The following DAPK1 variants were observed in gnomAD, a reference collection of about 807,000 sequenced individuals.
DAPK1 encodes death-associated protein kinase 1.
Under a neutral mutation model 144.9 loss-of-function variants are expected in DAPK1, and 56 were observed. That is an observed-to-expected ratio of 0.39 (90% CI 0.31 to 0.48). DAPK1 has a LOEUF of 0.48. Ranked by LOEUF, DAPK1 falls within the 20% of genes least tolerant of loss-of-function variation. The pLI is 0.95. For synonymous variants in DAPK1, 690 were observed against 749.0 expected (o/e 0.92, Z 1.29); for missense variants, 1,454 against 1,875.4 (o/e 0.78, Z 4.15).
intron 2 of DAPK1, among the ~76,000 whole-genome samples, chr9:87,502,094 T>G (rs1254665773): frequency 6.6e-6 from 1 of 152,150 alleles, no homozygotes; most frequent in African/African-American, 2.4e-5. Context: ...AGCTAATAAC[T>G]TGGCCGGCAA....
intron 19 of DAPK1, chr9:87,668,980 C>G: frequency 3.8e-6 from 1 of 261,402 alleles, no homozygotes; most frequent in Middle Eastern, 1.3e-3. Flanking sequence ...GACGCTGACT[C>G]TGCCTCTTTC....
intron 19 of DAPK1, among the ~76,000 whole-genome samples, chr9:87,678,094 A>T (rs543429132): frequency 6.6e-6 from 1 of 152,010 alleles, no homozygotes; most frequent in East Asian, 1.9e-4. Context: ...ACCTGTTGGG[A>T]TTTGAGGTCA....
At chr9:87,630,386 C>T (rs937306843) in intron 3 of DAPK1, among the ~76,000 whole-genome samples, 3 of 152,194 alleles carry the variant, frequency 2.0e-5, no homozygotes, top group African/African-American at 7.2e-5. Context: ...ATTTATCTCT[C>T]ACTCACTCAA....
Position 87,558,830 on chromosome 9 carries a change from A to G in DAPK1, c.63-46124A>G, listed in dbSNP as rs1033756794. On this transcript the variant is annotated intron_variant, in intron 2 of 25. Coordinates refer to ENST00000408954, the MANE Select transcript of DAPK1 (RefSeq NM_004938.4). Reference sequence around the variant, plus strand: ...CCCACGTGCAGAAAGCATGATTCCCATGCTCCATGTGGGCGGACTCCTGTT... The same window carrying G: ...CCCACGTGCAGAAAGCATGATTCCCGTGCTCCATGTGGGCGGACTCCTGTT... Among the ~76,000 whole-genome samples, 15 of 152,190 alleles carry G rather than the reference A, an allele frequency of 9.9e-5. No homozygotes were observed. The East Asian group carries it at 1.2e-3, about 12-fold the overall frequency.
At chr9:87,647,454 T>G (rs1268316106) in intron 14 of DAPK1, 51 bp downstream of exon 14, 1 of 1,440,324 alleles carries the variant, frequency 6.9e-7, no homozygotes, top group Admixed American at 1.7e-5. Flanking sequence ...AATGGATGCA[T>G]GTGAGTGTGA....
intron 2 of DAPK1, among the ~76,000 whole-genome samples, chr9:87,561,951 C>T (rs1315375833): frequency 6.6e-6 from 1 of 152,090 alleles, no homozygotes; most frequent in Non-Finnish European, 1.5e-5. Context: ...CTTTACTGGC[C>T]CCCTGAATGG....
intron 20 of DAPK1, 33 bp downstream of exon 20, chr9:87,681,659 G>T (rs762942736): frequency 7.3e-6 from 8 of 1,094,470 alleles, no homozygotes; most frequent in Non-Finnish European, 1.1e-5. Flanking sequence ...CGTCTCTCCA[G>T]CAGGTGTTGG....
At chr9:87,633,434 C>T (rs1829783459) in intron 3 of DAPK1, 1 of 962,436 alleles carries the variant, frequency 1.0e-6, no homozygotes, top group Non-Finnish European at 1.2e-6. Context: ...TAGGGACTCT[C>T]CTAACCTTTC....
chr9:87,624,905 T>C (rs946333451), intron 3 of DAPK1, among the ~76,000 whole-genome samples: 24 of 152,306 alleles, frequency 1.6e-4, no homozygotes, highest in Non-Finnish European at 2.4e-4. Context: ...ATAACCATCT[T>C]CAGATGTGGG....
chr9:87,615,125 C>T (rs947090636), intron 3 of DAPK1, among the ~76,000 whole-genome samples: 4 of 152,240 alleles, frequency 2.6e-5, no homozygotes, highest in African/African-American at 9.6e-5. Flanking sequence ...CCCCTTCTGC[C>T]TCACGTCCTT....
At position 87,540,010 on chromosome 9, in the gene DAPK1, G is replaced by A. The variant is rs149266112; in HGVS notation, c.62+40871G>A. ...AGAAGCCGTCAAGTGCTTCCTTTAA[G>A]TGAGAAGGTGGAAGTTCTCGACTTA... On this transcript the variant is annotated intron_variant, in intron 2 of 25. Coordinates refer to ENST00000408954, the MANE Select transcript of DAPK1 (RefSeq NM_004938.4). Among the ~76,000 whole-genome samples, 33 of 152,104 alleles carry A rather than the reference G, an allele frequency of 2.2e-4. 1 individual carries two copies. In the East Asian group the frequency reaches 6.4e-3, roughly 29 times the overall value.
At chr9:87,630,766 C>A (rs1829655881) in intron 3 of DAPK1, among the ~76,000 whole-genome samples, 1 of 152,144 alleles carries the variant, frequency 6.6e-6, no homozygotes, top group African/African-American at 2.4e-5. Flanking sequence ...AATACCAGAG[C>A]TGGAAGGGCC....
chr9:87,653,401 A>G (rs1830525074), intron 17 of DAPK1, among the ~76,000 whole-genome samples: 1 of 152,228 alleles, frequency 6.6e-6, no homozygotes, highest in African/African-American at 2.4e-5. Context: ...CTTAAGTTGC[A>G]TTTTACATGT....
At chr9:87,534,938 T>C (rs960518916) in intron 2 of DAPK1, among the ~76,000 whole-genome samples, 1 of 152,068 alleles carries the variant, frequency 6.6e-6, no homozygotes, top group African/African-American at 2.4e-5. Context: ...AGCCACCCCG[T>C]CCGATTCTTG....
intron 2 of DAPK1, among the ~76,000 whole-genome samples, chr9:87,509,989 ATATATT>A (rs1307611617): frequency 6.6e-6 from 1 of 152,214 alleles, no homozygotes; most frequent in East Asian, 1.9e-4. Context: ...ACTAAACAGA[ATATATT>A]TACAGTTCGC....
intron 3 of DAPK1, among the ~76,000 whole-genome samples, chr9:87,620,577 GGAGGGA>G (rs1233424543): frequency 6.6e-6 from 1 of 151,408 alleles, no homozygotes; most frequent in African/African-American, 2.4e-5. Context: ...AGGGGGAGGG[GGAGGGA>G]GAGGGGAGGA....
At chr9:87,531,526 T>A (rs976227192) in intron 2 of DAPK1, among the ~76,000 whole-genome samples, 2 of 152,166 alleles carry the variant, frequency 1.3e-5, no homozygotes, top group African/African-American at 4.8e-5. Context: ...CAGCAAAGAC[T>A]GGCGTGTCTC....
intron 24 of DAPK1, among the ~76,000 whole-genome samples, chr9:87,700,844 G>A (rs1267368844): frequency 6.6e-6 from 1 of 152,102 alleles, no homozygotes; most frequent in South Asian, 2.1e-4. Flanking sequence ...ACTTATTGTG[G>A]AATATTTAGA....
intron 2 of DAPK1, among the ~76,000 whole-genome samples, chr9:87,557,475 A>T (rs892717701): frequency 1.3e-5 from 2 of 152,218 alleles, no homozygotes; most frequent in African/African-American, 4.8e-5. Flanking sequence ...ATGCCGATTA[A>T]GGAATTATGA....
Sources: allele counts gnomAD v4.1 joint callset (sites outside exome capture counted in the v4.1 genomes callset), GRCh38; gene constraint gnomAD v4.1.1; transcripts MANE v1.5; gene names NCBI Gene and HGNC (gene_info 2026-07-23, HGNC 2026-07-21).